Variants in TMEM182 observed in about 807,000 individuals in gnomAD.
TMEM182 encodes the protein transmembrane protein 182.
Under a neutral mutation model 26.8 loss-of-function variants are expected in TMEM182, and 20 were observed. The observed-to-expected ratio is 0.75, with a 90% confidence interval of 0.53 to 1.09. The LOEUF is 1.09. Ranked by LOEUF, TMEM182 falls within the 50% of genes least tolerant of loss-of-function variation. The pLI is 0.00. For missense variants in TMEM182, 277 were observed against 275.5 expected (o/e 1.01, Z -0.04); for synonymous variants, 109 against 102.2 (o/e 1.07, Z -0.40).
intron 3 of TMEM182, among the ~76,000 whole-genome samples, chr2:102,834,719 G>A (rs942498349): frequency 1.3e-5 from 2 of 152,124 alleles, no homozygotes; most frequent in Non-Finnish European, 2.9e-5. Flanking sequence ...AGGAAAACAG[G>A]CTCAGGGCTC....
At chr2:102,829,849 C>T (rs1161064340) in intron 3 of TMEM182, among the ~76,000 whole-genome samples, 1 of 152,136 alleles carries the variant, frequency 6.6e-6, no homozygotes, top group Non-Finnish European at 1.5e-5. Context: ...GACCACTCTC[C>T]TCCCCCAATT....
intron 3 of TMEM182, among the ~76,000 whole-genome samples, chr2:102,837,493 G>T (rs969259515): frequency 1.3e-5 from 2 of 148,448 alleles, no homozygotes; most frequent in Non-Finnish European, 3.0e-5. Context: ...GAGGGAATAG[G>T]CCAGCGTGGG....
intron 1 of TMEM182, 36 bp downstream of exon 1, chr2:102,762,385 A>T (rs1012454446): frequency 6.2e-7 from 1 of 1,612,676 alleles, no homozygotes; most frequent in Non-Finnish European, 8.5e-7. Flanking sequence ...TGCACATGGT[A>T]GTTATGAAGA....
chr2:102,741,703 C>A (rs1260054749), intron 1 of TMEM182, among the ~76,000 whole-genome samples: 1 of 152,122 alleles, frequency 6.6e-6, no homozygotes, highest in East Asian at 1.9e-4. Context: ...CTACCCAACA[C>A]CTTACAAAAA....
Position 102,815,625 on chromosome 2 carries a change from T to C in TMEM182, c.*657T>C. ...TAATTGTGCATGCTTACATAAACTTTAAACTACATTTAAAACTAGCAAATC... is the reference window on the plus strand; with the variant it reads ...TAATTGTGCATGCTTACATAAACTTCAAACTACATTTAAAACTAGCAAATC... On this transcript the variant is annotated 3_prime_UTR_variant, in exon 5 of 5. Coordinates refer to ENST00000412401, the MANE Select transcript of TMEM182 (RefSeq NM_144632.5). 1 of 985,470 alleles carries C rather than the reference T, an allele frequency of 1.0e-6. No individual in the cohort carries two copies. Among genetic ancestry groups the C allele is most frequent in the Non-Finnish European group, 1.2e-6 (1 of 829,930 alleles). The allele number at this position is 985,470 out of a possible 1,614,324, so 61.0% of individuals were successfully genotyped here.
At chr2:102,808,732 G>T (rs1682438718) in intron 4 of TMEM182, among the ~76,000 whole-genome samples, 1 of 152,104 alleles carries the variant, frequency 6.6e-6, no homozygotes, top group Non-Finnish European at 1.5e-5. Flanking sequence ...CTCATACGAT[G>T]GAATAATGCT....
upstream of TMEM182, among the ~76,000 whole-genome samples, chr2:102,760,508 G>A (rs1020478845): frequency 6.6e-6 from 1 of 152,182 alleles, no homozygotes; most frequent in African/African-American, 2.4e-5. Context: ...AAATATTTAA[G>A]CATTAGATGA....
At chr2:102,759,437 C>A (rs1312633704), upstream of TMEM182, among the ~76,000 whole-genome samples, 2 of 151,986 alleles carry the variant, frequency 1.3e-5, no homozygotes, top group African/African-American at 4.8e-5. Context: ...CTTTTTTTTA[C>A]CCCCACTAGC....
intron 3 of TMEM182, among the ~76,000 whole-genome samples, chr2:102,774,098 A>G (rs1680800552): frequency 6.6e-6 from 1 of 152,164 alleles, no homozygotes; most frequent in Non-Finnish European, 1.5e-5. Flanking sequence ...AACATATCTT[A>G]TCTATACATC....
In TMEM182 at chr2:102,814,696, T is replaced by G. The variant is rs185256050; in HGVS notation, c.470-52T>G. ...TCAATGATTGGTTTAGATAGCGTTCTTGAGAAAACATCTTCAGAAAGGCTA... is the reference window on the plus strand; with the variant it reads ...TCAATGATTGGTTTAGATAGCGTTCGTGAGAAAACATCTTCAGAAAGGCTA... On this transcript the variant is annotated intron_variant, in intron 4 of 4. Coordinates refer to ENST00000412401, the MANE Select transcript of TMEM182 (RefSeq NM_144632.5). 93 of 1,528,912 alleles carry G rather than the reference T, an allele frequency of 6.1e-5. No individual in the cohort carries two copies. In the Admixed American group the frequency reaches 1.8e-3, roughly 29 times the overall value. The allele number at this position is 1,528,912 out of a possible 1,614,324, so 94.7% of individuals were successfully genotyped here.
chr2:102,817,434 T>C lies in TMEM182; in HGVS notation c.*2466T>C. ...TGGTGAAAGCTATCATCTCTCCATA[T>C]TGTATTTGTTCAGCTGGTTTAATTC... On this transcript the variant is annotated 3_prime_UTR_variant, in exon 5 of 5. Transcript: ENST00000412401. 1.0e-6 allele frequency: 1 copy of C among 985,440 alleles called. No homozygotes were observed. Among genetic ancestry groups the C allele is most frequent in the Non-Finnish European group, 1.2e-6 (1 of 829,934 alleles). 61.0% of individuals were successfully genotyped at this position (985,440 alleles called of 1,614,324 possible). A position where few individuals can be genotyped will look rare whatever the true frequency, so the allele number is the denominator to read the frequency against.
rs555194103 is a variant in TMEM182, at chr2:102,802,251, C to T, written c.469+4251C>T. ...TCAGCAGCACTGTGTTTAGACATTC[C>T]GTGCATGGCAGAGGGATGCTGATAT... On this transcript the variant is annotated intron_variant, in intron 4 of 4. Transcript: ENST00000412401. Among the ~76,000 whole-genome samples, 38 of 152,268 alleles carry T rather than the reference C, an allele frequency of 2.5e-4. No homozygotes were observed. In the South Asian group the frequency reaches 6.2e-3, roughly 25 times the overall value.
intron 1 of TMEM182, among the ~76,000 whole-genome samples, chr2:102,747,569 T>C (rs1573485220): frequency 2.6e-5 from 4 of 152,066 alleles, no homozygotes; most frequent in Admixed American, 2.6e-4. Context: ...GTCAGGTAGG[T>C]ATATAGTAGG....
chr2:102,756,993 G>A (rs1188963478), intron 1 of TMEM182, among the ~76,000 whole-genome samples: 1 of 152,058 alleles, frequency 6.6e-6, no homozygotes, highest in East Asian at 1.9e-4. Context: ...TGTATTTTTA[G>A]TAGAGACTGA....
At chr2:102,806,447 G>T (rs574734118) in intron 4 of TMEM182, among the ~76,000 whole-genome samples, 1 of 152,128 alleles carries the variant, frequency 6.6e-6, no homozygotes, top group African/African-American at 2.4e-5. Context: ...GTGCCACCTC[G>T]TGGAGAGTTC....
At chr2:102,772,645 T>G (rs745625724) in intron 3 of TMEM182, among the ~76,000 whole-genome samples, 3 of 152,136 alleles carry the variant, frequency 2.0e-5, no homozygotes, top group Non-Finnish European at 2.9e-5. Context: ...CGGTCTGCCT[T>G]CATCACCTGG....
intron 1 of TMEM182, among the ~76,000 whole-genome samples, chr2:102,750,566 T>C (rs1381964103): frequency 1.3e-5 from 2 of 152,214 alleles, no homozygotes; most frequent in African/African-American, 2.4e-5. Flanking sequence ...CAAAACCTTA[T>C]GAAGGTCTTT....
intron 3 of TMEM182, among the ~76,000 whole-genome samples, chr2:102,771,620 G>GATTATCCCAGC (rs1680678960): frequency 6.6e-6 from 1 of 152,174 alleles, no homozygotes; most frequent in Non-Finnish European, 1.5e-5. Context: ...CAAGACCTGT[G>GATTATCCCAGC]ATTATCCCAG....
At chr2:102,775,993 G>C (rs1392222138) in intron 3 of TMEM182, among the ~76,000 whole-genome samples, 2 of 151,946 alleles carry the variant, frequency 1.3e-5, no homozygotes, top group African/African-American at 4.8e-5. Context: ...TGTGTTTATT[G>C]CTAGTATATA....
Sources: allele counts gnomAD v4.1 joint callset (sites outside exome capture counted in the v4.1 genomes callset), GRCh38; gene constraint gnomAD v4.1.1; transcripts MANE v1.5; gene names NCBI Gene and HGNC (gene_info 2026-07-23, HGNC 2026-07-21).